Variants in MAF observed in about 807,000 individuals in gnomAD.
The protein encoded by MAF is transcription factor Maf.
Under a neutral mutation model 22.0 loss-of-function variants are expected in MAF, and 10 were observed. The observed-to-expected ratio is 0.45, with a 90% confidence interval of 0.28 to 0.77. The LOEUF (loss-of-function observed/expected upper bound fraction) is 0.77, where lower values mean the gene tolerates loss of function less well. Among genes scored for constraint, MAF ranks in the 30% least tolerant of loss-of-function variants. The pLI, the probability that MAF is intolerant of heterozygous loss-of-function variation, is 0.12. For synonymous variants in MAF, 337 were observed against 255.8 expected (o/e 1.32, Z -3.03); for missense variants, 544 against 548.4 (o/e 0.99, Z 0.08).
the MAF span, among the ~76,000 whole-genome samples, chr16:79,419,018 C>T: frequency 1.3e-5 from 2 of 152,218 alleles, no homozygotes; most frequent in Non-Finnish European, 2.9e-5. Context: ...AGTGCTATAT[C>T]ACAGACATTT....
chr16:79,240,061 C>T, the MAF span, among the ~76,000 whole-genome samples: 447 of 151,932 alleles, frequency 2.9e-3, 9 homozygotes, highest in Admixed American at 0.023. Context: ...CTTCTCTTTG[C>T]TTGCAAAGAA....
chr16:79,404,682 G>C, the MAF span, among the ~76,000 whole-genome samples: 2 of 151,622 alleles, frequency 1.3e-5, no homozygotes, highest in African/African-American at 2.4e-5. Flanking sequence ...TTAACTGTGA[G>C]TGAGACTGGG....
chr16:79,597,931 A>C, intron 1 of MAF: 1 of 1,040,628 alleles, frequency 9.6e-7, no homozygotes, highest in Non-Finnish European at 1.2e-6. Flanking sequence ...ATGGCAGACT[A>C]AACTCTCAGA....
At chr16:79,462,277 T>C in the MAF span, among the ~76,000 whole-genome samples, 18 of 152,218 alleles carry the variant, frequency 1.2e-4, no homozygotes, top group African/African-American at 4.3e-4. Context: ...GGCACTTTTA[T>C]TACTCCCATT....
the MAF span, among the ~76,000 whole-genome samples, chr16:79,545,326 C>T: frequency 6.6e-6 from 1 of 152,124 alleles, no homozygotes; most frequent in East Asian, 1.9e-4. Context: ...GAATGCAGAA[C>T]TGGACATGCT....
the MAF span, among the ~76,000 whole-genome samples, chr16:79,217,540 T>A: frequency 6.6e-6 from 1 of 152,196 alleles, no homozygotes; most frequent in African/African-American, 2.4e-5. Context: ...CAATAGGCCC[T>A]CTCTCCTGTT....
At chr16:79,567,860 T>C in the MAF span, among the ~76,000 whole-genome samples, 1 of 152,262 alleles carries the variant, frequency 6.6e-6, no homozygotes, top group Non-Finnish European at 1.5e-5. Context: ...GTTCCCTATT[T>C]ATTTTTATAA....
chr16:79,309,955 G>C, the MAF span, among the ~76,000 whole-genome samples: 3 of 152,280 alleles, frequency 2.0e-5, no homozygotes, highest in Admixed American at 6.5e-5. Flanking sequence ...GAGGTTAATA[G>C]CCTGGTGACA....
the MAF span, among the ~76,000 whole-genome samples, chr16:79,238,544 T>C: frequency 1.3e-5 from 2 of 152,050 alleles, no homozygotes; most frequent in Non-Finnish European, 2.9e-5. Context: ...CTGTTTTCAC[T>C]GTCACATCTG....
intron 1 of MAF, chr16:79,595,224 A>G: frequency 9.6e-7 from 1 of 1,044,596 alleles, no homozygotes; most frequent in Non-Finnish European, 1.2e-6. Flanking sequence ...AAGCAAAATT[A>G]AGTGTGGATT....
At chr16:79,567,234 C>T in the MAF span, among the ~76,000 whole-genome samples, 1 of 152,130 alleles carries the variant, frequency 6.6e-6, no homozygotes, top group African/African-American at 2.4e-5. Context: ...AGGAGAATCG[C>T]TTGAACCCAG....
downstream of MAF, among the ~76,000 whole-genome samples, chr16:79,590,054 C>T (rs369125575): frequency 6.6e-6 from 1 of 152,188 alleles, no homozygotes; most frequent in Non-Finnish European, 1.5e-5. Context: ...CTACTGTACG[C>T]CCCTCGGGGG....
the MAF span, among the ~76,000 whole-genome samples, chr16:79,362,285 C>T: frequency 1.5e-3 from 232 of 152,266 alleles, 7 homozygotes; most frequent in East Asian, 0.036. Flanking sequence ...TTTGTGTTAG[C>T]GTGCAGCATC....
chr16:79,334,208 C>T, the MAF span, among the ~76,000 whole-genome samples: 2 of 152,206 alleles, frequency 1.3e-5, no homozygotes, highest in East Asian at 3.9e-4. Context: ...TGTCTGTCAA[C>T]AGGTGACTAG....
the MAF span, among the ~76,000 whole-genome samples, chr16:79,544,894 G>T: frequency 1.3e-5 from 2 of 152,046 alleles, no homozygotes; most frequent in African/African-American, 4.8e-5. Context: ...ACAGAAAGAG[G>T]TGCTAACCTA....
the MAF span, among the ~76,000 whole-genome samples, chr16:79,396,762 C>A: frequency 6.6e-6 from 1 of 152,246 alleles, no homozygotes; most frequent in Non-Finnish European, 1.5e-5. Flanking sequence ...CCCAGACACT[C>A]TAATTTATTA....
chr16:79,210,236 C>T, the MAF span, among the ~76,000 whole-genome samples: 1 of 152,170 alleles, frequency 6.6e-6, no homozygotes, highest in Non-Finnish European at 1.5e-5. Flanking sequence ...AAGCTAAAAC[C>T]AAACAACAAT....
downstream of MAF, among the ~76,000 whole-genome samples, chr16:79,589,448 C>G (rs1033111559): frequency 2.0e-5 from 3 of 152,032 alleles, no homozygotes; most frequent in Non-Finnish European, 4.4e-5. Flanking sequence ...GCTTGCCTTT[C>G]TCTTTTTCCC....
At chr16:79,335,903 A>G in the MAF span, among the ~76,000 whole-genome samples, 1 of 152,176 alleles carries the variant, frequency 6.6e-6, no homozygotes, top group South Asian at 2.1e-4. Flanking sequence ...GAAGAGCCAG[A>G]GTTTGACCAG....
Sources: allele counts gnomAD v4.1 joint callset (sites outside exome capture counted in the v4.1 genomes callset), GRCh38; gene constraint gnomAD v4.1.1; transcripts MANE v1.5; gene names NCBI Gene and HGNC (gene_info 2026-07-23, HGNC 2026-07-21).